TM9SF4: variants seen among roughly 807,000 people sequenced by gnomAD.
The protein encoded by TM9SF4 is dinucleotide oxidase disulfide thiol exchanger 3 superfamily member 4.
A neutral mutation model predicts 90.4 loss-of-function variants in TM9SF4; 26 were observed. The ratio of observed to expected loss-of-function variants is 0.29; its 90% confidence interval spans 0.21 to 0.40. The LOEUF (loss-of-function observed/expected upper bound fraction) is 0.40, where lower values mean the gene tolerates loss of function less well. Ranked by LOEUF, TM9SF4 falls within the 10% of genes least tolerant of loss-of-function variation. TM9SF4 has a pLI of 1.00. For synonymous variants in TM9SF4, 293 were observed against 315.4 expected (o/e 0.93, Z 0.75); for missense variants, 549 against 834.8 (o/e 0.66, Z 4.22).
At chr20:32,136,557 T>C (rs2046597087) in intron 3 of TM9SF4, among the ~76,000 whole-genome samples, 3 of 152,206 alleles carry the variant, frequency 2.0e-5, no homozygotes, top group South Asian at 4.1e-4. Flanking sequence ...CTGCTTTAAA[T>C]GGAAAGAGAG....
chr20:32,148,816 G>A (rs538486013), intron 9 of TM9SF4, among the ~76,000 whole-genome samples: 13 of 151,956 alleles, frequency 8.6e-5, no homozygotes, highest in South Asian at 4.2e-4. Context: ...GACTACAGGC[G>A]CCTACCACCA....
chr20:32,110,714 C>A (rs2046130359), intron 1 of TM9SF4, among the ~76,000 whole-genome samples: 1 of 152,182 alleles, frequency 6.6e-6, no homozygotes, highest in South Asian at 2.1e-4. Flanking sequence ...GGGATGAAGT[C>A]TGTGTGTGGA....
At chr20:32,150,728 GGGGGC>G (rs770116394) in intron 11 of TM9SF4, 25 bp downstream of exon 11, 106 of 1,613,996 alleles carry the variant, frequency 6.6e-5, no homozygotes, top group Non-Finnish European at 8.8e-5. Flanking sequence ...GTGGGCTCCC[GGGGGC>G]GGCACAGGCC....
chr20:32,124,827 T>A (rs1416640337), intron 1 of TM9SF4, among the ~76,000 whole-genome samples: 1 of 152,208 alleles, frequency 6.6e-6, no homozygotes, highest in African/African-American at 2.4e-5. Context: ...CCTCAGGTGA[T>A]CCACCCTCCT....
At chr20:32,128,421 G>T (rs371092491) in intron 1 of TM9SF4, among the ~76,000 whole-genome samples, 2 of 152,140 alleles carry the variant, frequency 1.3e-5, no homozygotes, top group African/African-American at 2.4e-5. Flanking sequence ...GGTAGGGCCC[G>T]TGATTCTGCA....
rs146676137 is a variant in TM9SF4 at position 32,157,540 on chromosome 20, T to C, written c.1330-254T>C. On this transcript the variant is annotated intron_variant, in intron 13 of 17. Transcript: ENST00000398022. ...ACGTTCTCAGTCCACTCCTTCCTGT[T>C]CCTCCCCTACTTCCTCCCTGGATGG... Among the ~76,000 whole-genome samples the C allele has an allele frequency of 7.2e-5, 11 of 152,328 alleles. No homozygotes were observed. The East Asian group carries it at 1.9e-3, about 27-fold the overall frequency.
At chr20:32,124,997 C>T (rs1034045190) in intron 1 of TM9SF4, among the ~76,000 whole-genome samples, 6 of 152,136 alleles carry the variant, frequency 3.9e-5, no homozygotes, top group African/African-American at 1.4e-4. Flanking sequence ...CAAATATTCT[C>T]AAGGGAATTA....
intron 17 of TM9SF4, 45 bp downstream of exon 17, chr20:32,161,410 G>A: frequency 6.3e-7 from 1 of 1,580,348 alleles, no homozygotes; most frequent in Non-Finnish European, 8.7e-7. Flanking sequence ...CATAGGGTAG[G>A]AAGGTCAGGA....
At chr20:32,128,714 AAT>A (rs1221217016) in intron 1 of TM9SF4, among the ~76,000 whole-genome samples, 2 of 152,148 alleles carry the variant, frequency 1.3e-5, no homozygotes, top group African/African-American at 4.8e-5. Context: ...CACGTAAGAT[AAT>A]AGTCTCCAGT....
At position 32,129,804 on chromosome 20, in the gene TM9SF4, C is replaced by T. The variant is rs550053115; in HGVS notation, c.16-3209C>T. Among the ~76,000 whole-genome samples, 19 of 152,140 alleles carry T rather than the reference C, an allele frequency of 1.2e-4. No homozygotes were observed. The South Asian group carries it at 3.5e-3, about 28-fold the overall frequency. ...TTCACCATGTAGTCCAGGCTGGTCTCGAACTCCTGACCTCAGGTGATTTGC... is the reference window on the plus strand; with the variant it reads ...TTCACCATGTAGTCCAGGCTGGTCTTGAACTCCTGACCTCAGGTGATTTGC... On this transcript the variant is annotated intron_variant, in intron 1 of 17. Transcript: ENST00000398022.
chr20:32,158,576 C>G (rs1312969416), intron 15 of TM9SF4, 62 bp downstream of exon 15: 7 of 1,558,858 alleles, frequency 4.5e-6, no homozygotes, highest in Non-Finnish European at 6.2e-6. Context: ...CCACTCCACT[C>G]GGGTGCTCTG....
At position 32,150,638 on chromosome 20, in the gene TM9SF4, G is replaced by A; in HGVS notation, c.1104G>A (p.Gly368=). The A allele has an allele frequency of 6.2e-7, 1 of 1,614,218 alleles. No homozygotes were observed. The highest frequency in any genetic ancestry group is 1.3e-5 in the African/African-American group (1 of 75,060). ...ILIVIFVAML[G]MLSPSSRGAL... ...CCTCCACAGTTGTAGCCATGCTTGG[G>A]ATGCTGTCGCCCTCCAGCCGGGGAG... The change falls in exon 11 of 18, where the codon GGG becomes GGA. Residue 368 remains glycine (G), a synonymous_variant. Coordinates refer to ENST00000398022, the MANE Select transcript of TM9SF4 (RefSeq NM_014742.4).
chr20:32,140,359 T>G (rs1438149401), intron 3 of TM9SF4, among the ~76,000 whole-genome samples: 1 of 152,172 alleles, frequency 6.6e-6, no homozygotes, highest in Non-Finnish European at 1.5e-5. Context: ...AAAAGACGTT[T>G]TGCCTGAAAA....
At chr20:32,110,110 C>T in intron 1 of TM9SF4, 7 of 1,124,834 alleles carry the variant, frequency 6.2e-6, no homozygotes, top group Non-Finnish European at 7.8e-6. Context: ...TTATTCTCAT[C>T]CTTGCTCCTC....
intron 1 of TM9SF4, among the ~76,000 whole-genome samples, chr20:32,116,862 C>CTTTTTTTTTT (rs201365030): frequency 3.8e-4 from 36 of 95,876 alleles, no homozygotes; most frequent in Non-Finnish European, 5.3e-4. Context: ...TTTCCTTTTT[C>CTTTTTTTTTT]TTTTTTTTTT....
intron 1 of TM9SF4, among the ~76,000 whole-genome samples, chr20:32,125,279 T>C (rs2046403116): frequency 6.6e-6 from 1 of 152,202 alleles, no homozygotes; most frequent in Non-Finnish European, 1.5e-5. Flanking sequence ...TTATTTAATC[T>C]TTACCACCAT....
At chr20:32,128,633 T>C (rs1407541054) in intron 1 of TM9SF4, among the ~76,000 whole-genome samples, 1 of 152,208 alleles carries the variant, frequency 6.6e-6, no homozygotes, top group East Asian at 1.9e-4. Context: ...TGTGTGTCCA[T>C]GTGTACACAT....
chr20:32,120,482 G>C (rs977161755), intron 1 of TM9SF4, among the ~76,000 whole-genome samples: 4 of 140,426 alleles, frequency 2.8e-5, no homozygotes, highest in African/African-American at 1.1e-4. Flanking sequence ...TGATCTTATA[G>C]TCTGACCTTG....
intron 2 of TM9SF4, among the ~76,000 whole-genome samples, chr20:32,133,340 T>C (rs2046548169): frequency 6.6e-6 from 1 of 152,220 alleles, no homozygotes; most frequent in Non-Finnish European, 1.5e-5. Context: ...TATGCTTGTG[T>C]ATATTTGCAT....
Sources: gnomAD v4.1 joint callset for allele counts (sites outside exome capture counted in the v4.1 genomes callset) on GRCh38, gnomAD v4.1.1 for gene constraint, MANE v1.5 for transcripts, NCBI Gene and HGNC (gene_info 2026-07-23, HGNC 2026-07-21) for gene names.